PIBF1: variants seen among roughly 807,000 people sequenced by gnomAD.
PIBF1 encodes progesterone-induced-blocking factor 1.
A neutral mutation model predicts 112.5 loss-of-function variants in PIBF1; 90 were observed. The observed-to-expected ratio is 0.80, with a 90% CI of 0.67 to 0.95. The LOEUF (loss-of-function observed/expected upper bound fraction) is 0.95. Ranked by LOEUF, PIBF1 falls within the 40% of genes least tolerant of loss-of-function variation. The pLI, the probability that PIBF1 is intolerant of heterozygous loss-of-function variation, is 0.00. For synonymous variants in PIBF1, 301 were observed against 288.6 expected (o/e 1.04, Z -0.44); for missense variants, 915 against 852.3 (o/e 1.07, Z -0.92).
intron 10 of PIBF1, among the ~76,000 whole-genome samples, chr13:72,870,698 T>C (rs1594093224): frequency 6.6e-6 from 1 of 152,056 alleles, no homozygotes; most frequent in East Asian, 1.9e-4. Context: ...CTATCTGTTT[T>C]GGAAATGGCC....
At chr13:72,878,400 A>G (rs578085775) in intron 10 of PIBF1, among the ~76,000 whole-genome samples, 1 of 152,172 alleles carries the variant, frequency 6.6e-6, no homozygotes, top group East Asian at 1.9e-4. Context: ...TGTATGTGTC[A>G]TTTAGAAGTG....
intron 14 of PIBF1, among the ~76,000 whole-genome samples, chr13:72,954,457 C>G (rs1247991318): frequency 6.6e-6 from 1 of 152,240 alleles, no homozygotes. Flanking sequence ...CAACCTGTTA[C>G]TACAGCCTGA....
chr13:72,989,179 A>G (rs1594325396), intron 16 of PIBF1, among the ~76,000 whole-genome samples: 1 of 152,242 alleles, frequency 6.6e-6, no homozygotes, highest in South Asian at 2.1e-4. Context: ...AGAGTTACAT[A>G]CAACCCAGCA....
rs71099768 is a variant in PIBF1 at position 72,918,706 on chromosome 13, CTT to C, written c.1730+1555_1730+1556del. Among the ~76,000 whole-genome samples, 1,215 of 132,486 alleles carry C rather than the reference CTT, an allele frequency of 9.2e-3. 15 individuals carry two copies. Among genetic ancestry groups the C allele is most frequent in the African/African-American group, 0.029 (1,013 of 35,428 alleles). The allele number at this position is 132,486 out of a possible 152,430, so 86.9% of individuals were successfully genotyped here. ...ACCATGCCCAGTCTAGCAACTACAT[CTT>C]TTTTTTTTTTTTTTGAGACAGAGAC... On this transcript the variant is annotated intron_variant, in intron 13 of 17. Coordinates refer to ENST00000326291, the MANE Select transcript of PIBF1 (RefSeq NM_006346.4).
intron 17 of PIBF1, among the ~76,000 whole-genome samples, chr13:73,010,324 C>T (rs1325131201): frequency 1.3e-5 from 2 of 150,446 alleles, no homozygotes; most frequent in African/African-American, 4.9e-5. Context: ...CAATGGTGGC[C>T]GGGTGCTGTG....
chr13:72,806,666 T>C (rs2035751933), intron 5 of PIBF1, among the ~76,000 whole-genome samples: 1 of 152,196 alleles, frequency 6.6e-6, no homozygotes, highest in East Asian at 1.9e-4. Flanking sequence ...AATGATGGTT[T>C]CCAGTTTCAT....
chr13:72,993,810 G>T (rs2043557863), intron 16 of PIBF1, among the ~76,000 whole-genome samples: 1 of 150,868 alleles, frequency 6.6e-6, no homozygotes, highest in Admixed American at 6.6e-5. Context: ...TTAGAAGACA[G>T]AGCAGTAATA....
chr13:72,982,399 A>G (rs921458865), intron 16 of PIBF1, among the ~76,000 whole-genome samples: 4 of 152,260 alleles, frequency 2.6e-5, no homozygotes, highest in African/African-American at 9.6e-5. Context: ...TCGTGCCACT[A>G]CAGTCCAGCC....
At chr13:72,877,085 T>A (rs2039439822) in intron 10 of PIBF1, among the ~76,000 whole-genome samples, 1 of 152,176 alleles carries the variant, frequency 6.6e-6, no homozygotes, top group African/African-American at 2.4e-5. Flanking sequence ...GTTTGTATCA[T>A]CAGTAGATGT....
intron 14 of PIBF1, among the ~76,000 whole-genome samples, chr13:72,958,348 C>T (rs907552925): frequency 6.9e-6 from 1 of 144,994 alleles, no homozygotes; most frequent in Admixed American, 6.9e-5. Context: ...TGCAGGGCCA[C>T]AATTTGAAGT....
intron 16 of PIBF1, among the ~76,000 whole-genome samples, chr13:72,990,975 C>T (rs998607883): frequency 3.9e-5 from 6 of 152,184 alleles, no homozygotes; most frequent in Admixed American, 1.3e-4. Context: ...AGTCACGATG[C>T]GTTGTTACTC....
At chr13:72,835,002 G>A (rs2037292252) in intron 8 of PIBF1, among the ~76,000 whole-genome samples, 1 of 152,084 alleles carries the variant, frequency 6.6e-6, no homozygotes, top group African/African-American at 2.4e-5. Flanking sequence ...GAATTACTAA[G>A]ATTTTATATA....
At chr13:72,988,873 C>A (rs2043386469) in intron 16 of PIBF1, among the ~76,000 whole-genome samples, 2 of 151,918 alleles carry the variant, frequency 1.3e-5, no homozygotes, top group South Asian at 4.1e-4. Context: ...CCTGTCTCTA[C>A]TAAAAATACA....
intron 15 of PIBF1, among the ~76,000 whole-genome samples, chr13:72,973,296 G>A (rs1048337922): frequency 2.3e-5 from 3 of 132,622 alleles, no homozygotes; most frequent in African/African-American, 5.6e-5. Context: ...AAAAAAAAGA[G>A]AAAGAGAAAG....
intron 11 of PIBF1, among the ~76,000 whole-genome samples, chr13:72,895,870 G>A (rs1026804509): frequency 1.2e-4 from 19 of 152,058 alleles, no homozygotes; most frequent in Admixed American, 1.3e-4. Context: ...GGAAAGCCTC[G>A]GGCAAGTTTT....
chr13:73,012,452 A>G (rs2044231753), intron 17 of PIBF1, among the ~76,000 whole-genome samples: 1 of 152,064 alleles, frequency 6.6e-6, no homozygotes, highest in Non-Finnish European at 1.5e-5. Flanking sequence ...CAGGCCAGGC[A>G]CAGTGGTTCA....
intron 5 of PIBF1, among the ~76,000 whole-genome samples, chr13:72,808,696 T>A (rs1004717879): frequency 1.3e-5 from 2 of 152,156 alleles, no homozygotes; most frequent in Admixed American, 6.5e-5. Flanking sequence ...GAGAATTCAG[T>A]TTCCCCTCTC....
At chr13:72,979,815 G>A (rs974891274) in intron 16 of PIBF1, among the ~76,000 whole-genome samples, 3 of 152,186 alleles carry the variant, frequency 2.0e-5, no homozygotes, top group East Asian at 1.9e-4. Context: ...CCAGCTACTC[G>A]GGAGGCTGAG....
At chr13:72,956,826 A>G (rs948418364) in intron 14 of PIBF1, among the ~76,000 whole-genome samples, 1 of 152,188 alleles carries the variant, frequency 6.6e-6, no homozygotes, top group African/African-American at 2.4e-5. Context: ...TAGCTGGAAG[A>G]AAAAAACCCC....
Sources: gnomAD v4.1 joint callset for allele counts (sites outside exome capture counted in the v4.1 genomes callset) on GRCh38, gnomAD v4.1.1 for gene constraint, MANE v1.5 for transcripts, NCBI Gene and HGNC (gene_info 2026-07-23, HGNC 2026-07-21) for gene names.